The following NEGR1 variants were observed in gnomAD, a reference collection of about 807,000 sequenced individuals.
NEGR1 encodes IgLON family member 4.
Under a neutral mutation model 40.9 loss-of-function variants are expected in NEGR1, and 10 were observed. The observed-to-expected ratio is 0.24, with a 90% CI of 0.15 to 0.42. The LOEUF (loss-of-function observed/expected upper bound fraction) is 0.42, where lower values mean the gene tolerates loss of function less well. Among genes scored for constraint, NEGR1 ranks in the 10% least tolerant of loss-of-function variants. The probability of loss-of-function intolerance (pLI) is 1.00; values close to 1 mark genes in which losing one functional copy is unlikely to be tolerated. For missense variants in NEGR1, 352 were observed against 438.9 expected, an observed-to-expected ratio of 0.80 and a Z score of 1.77; for synonymous variants, 185 against 166.8, an observed-to-expected ratio of 1.11 and a Z score of -0.84.
chr1:72,162,667 G>C (rs1651615412), intron 1 of NEGR1, among the ~76,000 whole-genome samples: 1 of 152,048 alleles, frequency 6.6e-6, no homozygotes, highest in Non-Finnish European at 1.5e-5. Context: ...TGATAAATTG[G>C]TTATTGAAAA....
intron 1 of NEGR1, among the ~76,000 whole-genome samples, chr1:72,204,880 T>C (rs1266833738): frequency 6.6e-6 from 1 of 152,108 alleles, no homozygotes; most frequent in African/African-American, 2.4e-5. Flanking sequence ...TTATTTCCAG[T>C]CTCCCTTCCA....
intron 4 of NEGR1, among the ~76,000 whole-genome samples, chr1:71,655,487 CT>C (rs1300294321): frequency 6.6e-6 from 1 of 152,144 alleles, no homozygotes; most frequent in Non-Finnish European, 1.5e-5. Context: ...GCCTTTCTTC[CT>C]ACAGTGAATG....
chr1:71,541,528 C>T (rs1647702980), intron 6 of NEGR1, among the ~76,000 whole-genome samples: 1 of 151,750 alleles, frequency 6.6e-6, no homozygotes, highest in South Asian at 2.1e-4. Flanking sequence ...ATGAAATGGT[C>T]TACAATGGCA....
Position 71,698,084 on chromosome 1 carries a change from C to G in NEGR1, c.591G>C (p.Gln197His). Residue 197 changes from glutamine to histidine, a missense_variant, in exon 4 of 7, where the codon CAG becomes CAC. Around this residue, in one of 5 missense-constraint regions of NEGR1, gnomAD observed 184 missense variants for 208.7 expected, o/e 0.88. Transcript: ENST00000357731. ...YLDIYGITRD[Q>H]AGEYECSAEN... ...CCGCACTGCATTCATATTCCCCAGC[C>G]TGGTCCCTTGTAATTCCATAAATGT... The G allele has an allele frequency of 6.2e-7, 1 of 1,611,356 alleles. No homozygotes were observed. The highest frequency in any genetic ancestry group is 1.1e-5 in the South Asian group (1 of 90,988).
intron 1 of NEGR1, among the ~76,000 whole-genome samples, chr1:71,964,254 C>G (rs1163285067): frequency 6.6e-6 from 1 of 152,126 alleles, no homozygotes; most frequent in Non-Finnish European, 1.5e-5. Flanking sequence ...AAAAACCCTT[C>G]TCCAATCTGG....
chr1:72,025,070 G>A (rs548810602), intron 1 of NEGR1, among the ~76,000 whole-genome samples: 4 of 152,186 alleles, frequency 2.6e-5, no homozygotes, highest in African/African-American at 9.6e-5. Flanking sequence ...TTCTACAAAT[G>A]AATTATAGTC....
intron 4 of NEGR1, among the ~76,000 whole-genome samples, chr1:71,652,860 T>C (rs1651762665): frequency 6.6e-6 from 1 of 151,566 alleles, no homozygotes; most frequent in Non-Finnish European, 1.5e-5. Context: ...TGAGATCTCA[T>C]CTCAGAAAAA....
intron 2 of NEGR1, among the ~76,000 whole-genome samples, chr1:71,777,032 A>C (rs1222766677): frequency 5.3e-5 from 8 of 152,124 alleles, no homozygotes; most frequent in Non-Finnish European, 7.4e-5. Flanking sequence ...TCTCTGATGT[A>C]TTAGACTAGA....
chr1:72,052,222 AAAGC>A (rs1393612625), intron 1 of NEGR1, among the ~76,000 whole-genome samples: 7 of 151,466 alleles, frequency 4.6e-5, no homozygotes, highest in Non-Finnish European at 8.9e-5. Flanking sequence ...TGATAGTGAC[AAAGC>A]CTTGTCAAAT....
chr1:72,171,559 T>C (rs1651965552), intron 1 of NEGR1, among the ~76,000 whole-genome samples: 1 of 152,196 alleles, frequency 6.6e-6, no homozygotes, highest in Non-Finnish European at 1.5e-5. Flanking sequence ...TGTGAGTTCT[T>C]TGTCTGCTGT....
chr1:71,506,116 T>C (rs1647033422), intron 6 of NEGR1, among the ~76,000 whole-genome samples: 1 of 152,164 alleles, frequency 6.6e-6, no homozygotes, highest in Non-Finnish European at 1.5e-5. Flanking sequence ...GACTGGCTAC[T>C]GCAGGTTATG....
chr1:71,776,384 G>T, intron 2 of NEGR1, 87 bp from the exon 3 acceptor site: 2 of 783,266 alleles, frequency 2.6e-6, no homozygotes, highest in Non-Finnish European at 3.8e-6. Flanking sequence ...TATCATGCAA[G>T]AAAGGTATGA....
chr1:72,212,474 A>T (rs1376459302), intron 1 of NEGR1, among the ~76,000 whole-genome samples: 1 of 151,978 alleles, frequency 6.6e-6, no homozygotes, highest in African/African-American at 2.4e-5. Flanking sequence ...ATTTATCAAA[A>T]GCCCAACAAC....
At chr1:71,471,343 T>C (rs1041627062) in intron 6 of NEGR1, among the ~76,000 whole-genome samples, 9 of 152,106 alleles carry the variant, frequency 5.9e-5, no homozygotes, top group African/African-American at 1.7e-4. Context: ...TCTTAACTAA[T>C]TCTAACCAAG....
At chr1:71,502,524 T>C (rs145147272) in intron 6 of NEGR1, among the ~76,000 whole-genome samples, 41 of 152,302 alleles carry the variant, frequency 2.7e-4, no homozygotes, top group African/African-American at 9.1e-4. Flanking sequence ...TATGTGTTTC[T>C]CACAAATCTG....
Position 71,540,661 on chromosome 1 carries a change from T to C in NEGR1, c.940+52156A>G, listed in dbSNP as rs543755989. Among the ~76,000 whole-genome samples, 15 of 151,860 alleles carry C rather than the reference T, an allele frequency of 9.9e-5. No homozygotes were observed. The South Asian group carries it at 3.1e-3, about 31-fold the overall frequency. On this transcript the variant is annotated intron_variant, in intron 6 of 6. Coordinates refer to ENST00000357731, the MANE Select transcript of NEGR1 (RefSeq NM_173808.3). Reference sequence around the variant, plus strand: ...GAATCTAAAAGGGGATTTGGCAAATTCAAATCGGCACTCTAACTAAGACTT... The same window carrying C: ...GAATCTAAAAGGGGATTTGGCAAATCCAAATCGGCACTCTAACTAAGACTT...
intron 1 of NEGR1, among the ~76,000 whole-genome samples, chr1:72,095,200 C>T (rs1648652347): frequency 6.6e-6 from 1 of 152,008 alleles, no homozygotes; most frequent in Non-Finnish European, 1.5e-5. Flanking sequence ...TTAGTGGTGA[C>T]TTTTGATTAA....
intron 2 of NEGR1, among the ~76,000 whole-genome samples, chr1:71,816,235 C>T (rs1336138513): frequency 1.3e-5 from 2 of 152,044 alleles, no homozygotes; most frequent in East Asian, 1.9e-4. Flanking sequence ...GTATGCTTAA[C>T]AATTACATGT....
chr1:71,716,513 G>GA (rs1243422726), intron 3 of NEGR1, among the ~76,000 whole-genome samples: 5 of 152,038 alleles, frequency 3.3e-5, no homozygotes, highest in South Asian at 2.1e-4. Context: ...AAAATTTATT[G>GA]AAAAAATAAG....
Sources: gnomAD v4.1 joint callset for allele counts (sites outside exome capture counted in the v4.1 genomes callset) on GRCh38, gnomAD v4.1.1 for gene constraint, gnomAD v4.1.1 regional missense constraint, MANE v1.5 for transcripts, NCBI Gene and HGNC (gene_info 2026-07-23, HGNC 2026-07-21) for gene names.